MPHOSPH8: variants seen among roughly 807,000 people sequenced by gnomAD.
MPHOSPH8 encodes M-phase phosphoprotein, mpp.
MPHOSPH8 carries 45 observed loss-of-function variants against 87.3 expected under a neutral mutation model. The ratio of observed to expected loss-of-function variants is 0.52; its 90% CI spans 0.41 to 0.66. The LOEUF is 0.66. Ranked by LOEUF, MPHOSPH8 falls within the 30% of genes least tolerant of loss-of-function variation. MPHOSPH8 has a pLI of 0.00. For missense variants in MPHOSPH8, 883 were observed against 1,020.2 expected, an observed-to-expected ratio of 0.87 and a Z score of 1.83; for synonymous variants, 366 against 376.9, an observed-to-expected ratio of 0.97 and a Z score of 0.33.
chr13:19,658,958 G>C (rs1258302925), intron 5 of MPHOSPH8, 37 bp from the exon 6 acceptor site: 2 of 1,593,224 alleles, frequency 1.3e-6, no homozygotes, highest in African/African-American at 1.4e-5. Context: ...TTATACTTCA[G>C]ACAAATGTAT....
At chr13:19,647,432 A>G (rs2137512169) in intron 3 of MPHOSPH8, 141 bp downstream of exon 3, 6 of 656,662 alleles carry the variant, frequency 9.1e-6, no homozygotes, top group Non-Finnish European at 1.5e-5. Flanking sequence ...GCTTTTGGAC[A>G]CCGCAGCTTA....
At position 19,633,837 on chromosome 13, in the gene MPHOSPH8, G is replaced by C. The variant is rs750073057; in HGVS notation, c.89G>C (p.Gly30Ala). 6.2e-7 allele frequency: 1 copy of C among 1,610,992 alleles called. No individual in the cohort carries two copies. Among genetic ancestry groups the C allele is most frequent in the Non-Finnish European group, 8.5e-7 (1 of 1,178,900 alleles). ...STEELAEVEE[G>A]VGVVGEDNDA... ...GAGGAGTTGGCCGAAGTCGAAGAAG[G>C]AGTTGGAGTAGTGGGCGAAGATAAT... The change falls in exon 1 of 14, where the codon GGA (glycine) becomes GCA (alanine). Residue 30 changes from glycine (G) to alanine (A), a missense_variant. Gly to Ala is a moderately conservative substitution (Grantham distance 60). This residue lies in a region of MPHOSPH8 where 103 missense variants were observed against 96.3 expected (regional missense o/e 1.07). Coordinates refer to ENST00000361479, the MANE Select transcript of MPHOSPH8 (RefSeq NM_017520.4).
chr13:19,653,125 C>T (rs1244469238), intron 5 of MPHOSPH8, among the ~76,000 whole-genome samples: 1 of 152,238 alleles, frequency 6.6e-6, no homozygotes, highest in Non-Finnish European at 1.5e-5. Flanking sequence ...ACCCCCATGT[C>T]TCCTGACTGG....
chr13:19,633,765 A>G lies in MPHOSPH8; in HGVS notation c.17A>G (p.Glu6Gly). Residue 6 changes from glutamate (E) to glycine (G), a missense_variant, in exon 1 of 14, where the codon GAG (glutamate) becomes GGG (glycine). Around this residue, in one of 3 missense-constraint regions of MPHOSPH8, gnomAD observed 103 missense variants for 96.3 expected, o/e 1.07. Coordinates refer to ENST00000361479, the MANE Select transcript of MPHOSPH8 (RefSeq NM_017520.4). MEQVA[E>G]GARVTAVPVS... ...GCTGCTAGGATGGAGCAGGTTGCGGAGGGAGCAAGGGTGACCGCAGTCCCT... is the reference window on the plus strand; with the variant it reads ...GCTGCTAGGATGGAGCAGGTTGCGGGGGGAGCAAGGGTGACCGCAGTCCCT... The G allele has an allele frequency of 1.9e-6, 3 of 1,599,558 alleles. No homozygotes were observed. Among genetic ancestry groups the G allele is most frequent in the South Asian group, 1.1e-5 (1 of 88,450 alleles).
chr13:19,669,548 C>G (rs1876004040), intron 11 of MPHOSPH8, among the ~76,000 whole-genome samples: 1 of 143,278 alleles, frequency 7.0e-6, no homozygotes, highest in African/African-American at 2.6e-5. Flanking sequence ...TCACACTGTT[C>G]CCCAGGCTGG....
chr13:19,670,929 C>A lies in MPHOSPH8; in HGVS notation c.2458-277C>A, dbSNP rs9578193. The A allele has an allele frequency of 4.2e-3, 4,006 of 953,452 alleles. 117 individuals are homozygous for A. The African/African-American group carries it at 0.057, about 14-fold the overall frequency. 59.1% of individuals were successfully genotyped at this position (953,452 alleles called of 1,614,324 possible). A position where few individuals can be genotyped will look rare whatever the true frequency, so the allele number is the denominator to read the frequency against. On this transcript the variant is annotated intron_variant, in intron 12 of 13. Coordinates refer to ENST00000361479, the MANE Select transcript of MPHOSPH8 (RefSeq NM_017520.4). ...TGACTTCCCAGGCACAAGCAATCCTCCCACCTCAGCCTCCTAACTACCTGG... is the reference window on the plus strand; with the variant it reads ...TGACTTCCCAGGCACAAGCAATCCTACCACCTCAGCCTCCTAACTACCTGG...
chr13:19,650,186 A>G lies in MPHOSPH8; in HGVS notation c.1502A>G (p.Asp501Gly), dbSNP rs1417643653. Residue 501 changes from aspartate (D) to glycine (G), a missense_variant, in exon 5 of 14, where the codon GAT (aspartate) becomes GGT (glycine). Transcript: ENST00000361479. ...KERRNTRDET[D>G]TWAYIAAEGD... is the part of the protein sequence containing the mutation. The stretch of plus-strand genomic sequence containing the variant: ...AGGAGAAACACCAGAGACGAAACGG[A>G]TACTTGGGCATACATTGCTGCAGAA... 6.2e-7 allele frequency: 1 copy of G among 1,614,190 alleles called. No individual in the cohort carries two copies. Among genetic ancestry groups the G allele is most frequent in the Non-Finnish European group, 8.5e-7 (1 of 1,180,032 alleles).
chr13:19,652,327 G>A (rs899919618), intron 5 of MPHOSPH8, among the ~76,000 whole-genome samples: 1 of 152,148 alleles, frequency 6.6e-6, no homozygotes, highest in Admixed American at 6.5e-5. Context: ...AATGCAGGGG[G>A]TCGGGGAACT....
intron 10 of MPHOSPH8, among the ~76,000 whole-genome samples, chr13:19,668,170 C>T (rs555977539): frequency 2.6e-5 from 4 of 152,296 alleles, no homozygotes; most frequent in African/African-American, 9.6e-5. Flanking sequence ...AGAGACTTGC[C>T]TTCTTAGAAC....
intron 5 of MPHOSPH8, 86 bp downstream of exon 5, chr13:19,650,346 C>A: frequency 2.8e-6 from 4 of 1,411,656 alleles, no homozygotes; most frequent in African/African-American, 1.4e-5. Flanking sequence ...CTGATCTCAA[C>A]GATCAAAAAA....
chr13:19,639,603 C>G lies in MPHOSPH8; in HGVS notation c.214-2512C>G, dbSNP rs139634539. On this transcript the variant is annotated intron_variant, in intron 1 of 13. Coordinates refer to ENST00000361479, the MANE Select transcript of MPHOSPH8 (RefSeq NM_017520.4). ...GGATTACAGGTGTGAGCCACCACAC[C>G]TGGCCTACCCTCTGGAATTTCTTAA... is the stretch of plus-strand genomic sequence containing the variant. Among the ~76,000 whole-genome samples, 136 of 152,248 alleles carry G rather than the reference C, an allele frequency of 8.9e-4. 1 individual carries two copies. Among genetic ancestry groups the G allele is most frequent in the African/African-American group, 3.1e-3 (129 of 41,544 alleles).
At position 19,669,813 on chromosome 13, in the gene MPHOSPH8, T is replaced by G. The variant is rs530196105; in HGVS notation, c.2330-423T>G. 6.6e-5 allele frequency among the ~76,000 whole-genome samples: 10 copies of G among 152,090 alleles called. No homozygotes were observed. In the South Asian group the frequency reaches 2.1e-3, roughly 32 times the overall value. On this transcript the variant is annotated intron_variant, in intron 11 of 13. Coordinates refer to ENST00000361479, the MANE Select transcript of MPHOSPH8 (RefSeq NM_017520.4). ...ACATGAGCCACCATGCCTGGCCAATTTTTGGTTATGTATTAATCAGAAAAA... is the reference window on the plus strand; with the variant it reads ...ACATGAGCCACCATGCCTGGCCAATGTTTGGTTATGTATTAATCAGAAAAA...
At chr13:19,660,589 G>C (rs1875471895) in intron 7 of MPHOSPH8, among the ~76,000 whole-genome samples, 1 of 152,122 alleles carries the variant, frequency 6.6e-6, no homozygotes, top group Admixed American at 6.5e-5. Context: ...TAGGAACATG[G>C]TAATTCTACA....
At chr13:19,651,718 G>C (rs1235314488) in intron 5 of MPHOSPH8, among the ~76,000 whole-genome samples, 3 of 152,028 alleles carry the variant, frequency 2.0e-5, no homozygotes, top group Non-Finnish European at 2.9e-5. Flanking sequence ...AATTGAAAAA[G>C]AGGTTTGAAA....
chr13:19,668,641 G>A lies in MPHOSPH8; in HGVS notation c.2329+110G>A, dbSNP rs764796990. 834 of 1,228,746 alleles carry A rather than the reference G, an allele frequency of 6.8e-4. 4 individuals carry two copies. Among genetic ancestry groups the A allele is most frequent in the Non-Finnish European group, 3.8e-4 (338 of 897,670 alleles). The allele number at this position is 1,228,746 out of a possible 1,614,324, so 76.1% of individuals were successfully genotyped here. A position where few individuals can be genotyped will look rare whatever the true frequency, so the allele number is the denominator to read the frequency against. ...CAAAACTTTAAGGAAATTCCATTACGTGTAATAATTCTGCAGACCGGTTAA... is the reference window on the plus strand; with the variant it reads ...CAAAACTTTAAGGAAATTCCATTACATGTAATAATTCTGCAGACCGGTTAA... On this transcript the variant is annotated intron_variant, in intron 11 of 13. Transcript: ENST00000361479.
Position 19,659,075 on chromosome 13 carries a change from G to A in MPHOSPH8, c.1657G>A (p.Asp553Asn), listed in dbSNP as rs149143823. The A allele has an allele frequency of 1.2e-6, 2 of 1,614,072 alleles. No individual in the cohort carries two copies. The highest frequency in any genetic ancestry group is 2.7e-5 in the African/African-American group (2 of 74,934). The change falls in exon 6 of 14, where the codon GAT (aspartate) becomes AAT (asparagine). Residue 553 changes from aspartate (D) to asparagine (N), a missense_variant. Asp to Asn is a conservative substitution (Grantham distance 23, BLOSUM62 1). This residue lies in a region of MPHOSPH8 where 741 missense variants were observed against 841.5 expected (regional missense o/e 0.88). Coordinates refer to ENST00000361479, the MANE Select transcript of MPHOSPH8 (RefSeq NM_017520.4). ...MKLEDFQKHLDGKDENFAATD... is the reference protein window; with the variant it reads ...MKLEDFQKHLNGKDENFAATD... ...GTTGGAAGATTTCCAAAAGCACCTT[G>A]ATGGGAAAGATGAGAATTTTGCTGC...
intron 1 of MPHOSPH8, among the ~76,000 whole-genome samples, chr13:19,635,363 C>CA (rs1283638641): frequency 1.3e-5 from 2 of 151,802 alleles, no homozygotes; most frequent in South Asian, 2.1e-4. Flanking sequence ...TACTAAAACA[C>CA]AAAAAAATAC....
intron 3 of MPHOSPH8, among the ~76,000 whole-genome samples, chr13:19,647,824 C>T (rs2137512714): frequency 6.6e-6 from 1 of 152,120 alleles, no homozygotes; most frequent in East Asian, 1.9e-4. Flanking sequence ...CTATAAAAAA[C>T]ATCATTTTTT....
intron 8 of MPHOSPH8, among the ~76,000 whole-genome samples, chr13:19,662,225 C>T (rs950774003): frequency 9.2e-5 from 14 of 152,116 alleles, no homozygotes; most frequent in African/African-American, 3.4e-4. Context: ...AGGCGTGAGC[C>T]ACCGCGCCTG....
Sources: gnomAD v4.1 joint callset for allele counts (sites outside exome capture counted in the v4.1 genomes callset) on GRCh38, gnomAD v4.1.1 for gene constraint, gnomAD v4.1.1 regional missense constraint, MANE v1.5 for transcripts, NCBI Gene and HGNC (gene_info 2026-07-23, HGNC 2026-07-21) for gene names.